Variants in SCAPER observed in about 807,000 individuals in gnomAD.
The protein encoded by SCAPER is S-phase cyclin A associated protein in the ER.
SCAPER carries 98 observed loss-of-function variants against 182.2 expected under a neutral mutation model. The observed-to-expected ratio is 0.54, with a 90% confidence interval of 0.46 to 0.64. SCAPER has a LOEUF of 0.64. Among genes scored for constraint, SCAPER ranks in the 30% least tolerant of loss-of-function variants. The pLI, the probability that SCAPER is intolerant of heterozygous loss-of-function variation, is 0.00. For synonymous variants in SCAPER, 605 were observed against 564.6 expected (o/e 1.07, Z -1.01); for missense variants, 1,432 against 1,690.0 (o/e 0.85, Z 2.68).
intron 22 of SCAPER, among the ~76,000 whole-genome samples, chr15:76,575,103 C>T (rs1176573264): frequency 6.6e-6 from 1 of 152,164 alleles, no homozygotes; most frequent in Non-Finnish European, 1.5e-5. Flanking sequence ...AGACAAACCC[C>T]AGCCGTGGTA....
chr15:76,580,650 G>C (rs1359756472), intron 22 of SCAPER, among the ~76,000 whole-genome samples: 1 of 152,008 alleles, frequency 6.6e-6, no homozygotes, highest in Non-Finnish European at 1.5e-5. Context: ...AGACCTATCA[G>C]ATACAGTGAA....
At chr15:76,457,364 G>C (rs1413024269) in intron 25 of SCAPER, among the ~76,000 whole-genome samples, 1 of 152,106 alleles carries the variant, frequency 6.6e-6, no homozygotes, top group Non-Finnish European at 1.5e-5. Context: ...CGCACAGCTG[G>C]CTTTATACAT....
At chr15:76,667,144 T>C (rs953602340) in intron 20 of SCAPER, among the ~76,000 whole-genome samples, 1 of 152,172 alleles carries the variant, frequency 6.6e-6, no homozygotes, top group African/African-American at 2.4e-5. Flanking sequence ...CTTTTGCCCT[T>C]ACCACCCTTA....
intron 23 of SCAPER, among the ~76,000 whole-genome samples, chr15:76,559,355 C>T (rs1327562839): frequency 6.6e-6 from 1 of 151,848 alleles, no homozygotes; most frequent in African/African-American, 2.4e-5. Context: ...TGCACCCGGC[C>T]GAGATCTGAT....
At chr15:76,622,662 A>T (rs2052200567) in intron 21 of SCAPER, among the ~76,000 whole-genome samples, 1 of 152,228 alleles carries the variant, frequency 6.6e-6, no homozygotes, top group South Asian at 2.1e-4. Flanking sequence ...TGCAGAAATA[A>T]CTACTTGGTA....
At chr15:76,378,726 T>C (rs1234184861) in intron 28 of SCAPER, among the ~76,000 whole-genome samples, 2 of 152,288 alleles carry the variant, frequency 1.3e-5, no homozygotes, top group African/African-American at 4.8e-5. Context: ...TCATAAAAAG[T>C]CCTGTAGCTT....
chr15:76,883,734 T>C (rs2073700268), intron 2 of SCAPER, 78 bp downstream of exon 2: 2 of 1,180,598 alleles, frequency 1.7e-6, no homozygotes, highest in African/African-American at 1.6e-5. Context: ...GAAACAACTA[T>C]TACATTAAAA....
intron 8 of SCAPER, among the ~76,000 whole-genome samples, chr15:76,782,357 C>T (rs920971982): frequency 2.0e-5 from 3 of 151,922 alleles, no homozygotes; most frequent in African/African-American, 7.2e-5. Context: ...TATATATGCA[C>T]CCAATACACT....
At chr15:76,554,345 G>C (rs1243048675) in intron 23 of SCAPER, among the ~76,000 whole-genome samples, 1 of 152,112 alleles carries the variant, frequency 6.6e-6, no homozygotes, top group South Asian at 2.1e-4. Flanking sequence ...AAGATACTAA[G>C]TCTACAACTC....
At chr15:76,748,532 A>G (rs2061927169) in intron 15 of SCAPER, among the ~76,000 whole-genome samples, 2 of 151,918 alleles carry the variant, frequency 1.3e-5, no homozygotes, top group South Asian at 4.2e-4. Flanking sequence ...ACTTTTATGA[A>G]AAGAACATTA....
intron 2 of SCAPER, among the ~76,000 whole-genome samples, chr15:76,877,527 C>G (rs995644658): frequency 6.6e-6 from 1 of 152,170 alleles, no homozygotes; most frequent in East Asian, 1.9e-4. Flanking sequence ...AAGCTTGACA[C>G]TACATTACAT....
intron 27 of SCAPER, among the ~76,000 whole-genome samples, chr15:76,384,856 T>C (rs1029795561): frequency 1.3e-5 from 2 of 152,236 alleles, no homozygotes; most frequent in Non-Finnish European, 2.9e-5. Flanking sequence ...TCTGTTGGTC[T>C]TAACTGTCAG....
chr15:76,403,268 T>C (rs2044596366), intron 27 of SCAPER, among the ~76,000 whole-genome samples: 1 of 152,236 alleles, frequency 6.6e-6, no homozygotes, highest in Admixed American at 6.5e-5. Context: ...ACTATGGTAC[T>C]ACCTGATCCT....
chr15:76,639,588 T>C (rs894013518), intron 21 of SCAPER, among the ~76,000 whole-genome samples: 1 of 152,142 alleles, frequency 6.6e-6, no homozygotes, highest in Non-Finnish European at 1.5e-5. Flanking sequence ...CACTACTATT[T>C]ACACACAGCC....
chr15:76,483,990 A>G (rs560867529), intron 24 of SCAPER, among the ~76,000 whole-genome samples: 3 of 152,306 alleles, frequency 2.0e-5, no homozygotes, highest in African/African-American at 7.2e-5. Context: ...ACATTCCTAC[A>G]CATTTACTCA....
At chr15:76,751,722 T>G (rs1459884419) in intron 15 of SCAPER, among the ~76,000 whole-genome samples, 1 of 151,558 alleles carries the variant, frequency 6.6e-6, no homozygotes, top group African/African-American at 2.4e-5. Flanking sequence ...CATACTGAAA[T>G]TAACTCGAAA....
chr15:76,853,778 G>A (rs932209129), intron 4 of SCAPER, among the ~76,000 whole-genome samples: 11 of 152,070 alleles, frequency 7.2e-5, no homozygotes, highest in Non-Finnish European at 1.2e-4. Flanking sequence ...GCCTTTTCTC[G>A]CCACTCCTAT....
At chr15:76,551,028 G>C (rs1288415725) in intron 23 of SCAPER, among the ~76,000 whole-genome samples, 6 of 152,004 alleles carry the variant, frequency 3.9e-5, no homozygotes, top group Non-Finnish European at 8.8e-5. Context: ...ACCCCATCTA[G>C]AATGGCTATT....
intron 15 of SCAPER, among the ~76,000 whole-genome samples, chr15:76,750,416 C>T (rs921978054): frequency 1.3e-5 from 2 of 151,996 alleles, no homozygotes; most frequent in African/African-American, 4.8e-5. Flanking sequence ...GGAGGGAATA[C>T]ATCCTAACTC....
Sources: allele counts gnomAD v4.1 joint callset (sites outside exome capture counted in the v4.1 genomes callset), GRCh38; gene constraint gnomAD v4.1.1; transcripts MANE v1.5; gene names NCBI Gene and HGNC (gene_info 2026-07-23, HGNC 2026-07-21).